IYD: variants seen among roughly 807,000 people sequenced by gnomAD.
IYD encodes iodotyrosine deiodinase, also known as iodotyrosine deiodinase 1.
IYD carries 25 observed loss-of-function variants against 28.4 expected under a neutral mutation model. That is an observed-to-expected ratio of 0.88 (90% CI 0.64 to 1.23). The LOEUF (loss-of-function observed/expected upper bound fraction) is 1.23, where lower values mean the gene tolerates loss of function less well. Ranked by LOEUF, IYD falls within the 50% of genes most tolerant of loss-of-function variation. The pLI is 0.00. For missense variants in IYD, 352 were observed against 357.9 expected (o/e 0.98, Z 0.13); for synonymous variants, 140 against 130.8 (o/e 1.07, Z -0.48).
rs1778528802 is a variant in IYD at position 150,402,109 on chromosome 6, T to C, written c.*3872T>C. 1 of 152,238 alleles carries C rather than the reference T, an allele frequency of 6.6e-6. No homozygotes were observed. The highest frequency in any genetic ancestry group is 1.5e-5 in the Non-Finnish European group (1 of 68,028). The allele number at this position is 152,238 out of a possible 1,614,324, so 9.4% of individuals were successfully genotyped here. A position where few individuals can be genotyped will look rare whatever the true frequency, so the allele number is the denominator to read the frequency against. On this transcript the variant is annotated 3_prime_UTR_variant, in exon 5 of 5. Transcript: ENST00000344419. Reference sequence around the variant, plus strand: ...CCATGGGGCATTGGCAATCAACAAATGCAATGCTTGTGACTTGACGTGATA... The same window carrying C: ...CCATGGGGCATTGGCAATCAACAAACGCAATGCTTGTGACTTGACGTGATA...
chr6:150,375,264 T>G (rs1777404469), intron 1 of IYD, among the ~76,000 whole-genome samples: 1 of 152,074 alleles, frequency 6.6e-6, no homozygotes, highest in Non-Finnish European at 1.5e-5. Flanking sequence ...GGAGCTAGGA[T>G]TTTTTAGAGT....
At chr6:150,394,557 G>A (rs1013995555) in intron 4 of IYD, among the ~76,000 whole-genome samples, 2 of 152,192 alleles carry the variant, frequency 1.3e-5, no homozygotes, top group South Asian at 4.1e-4. Flanking sequence ...GAGCCTAAAA[G>A]TCACAGAGGC....
intron 4 of IYD, 87 bp from the exon 5 acceptor site, chr6:150,397,968 A>G (rs1778384218): frequency 1.6e-6 from 2 of 1,282,250 alleles, no homozygotes; most frequent in Non-Finnish European, 2.3e-6. Flanking sequence ...GAGCAGGTAT[A>G]ATCAGGACAA....
chr6:150,390,090 G>C (rs655745), intron 2 of IYD, among the ~76,000 whole-genome samples: 60,300 of 151,980 alleles, frequency 0.4, 13,556 homozygotes, highest in Non-Finnish European at 0.52. Flanking sequence ...AAAAAAATCA[G>C]AGCTACAGAA....
intron 4 of IYD, among the ~76,000 whole-genome samples, chr6:150,397,722 G>A (rs970285435): frequency 3.9e-5 from 6 of 152,058 alleles, no homozygotes; most frequent in Non-Finnish European, 8.8e-5. Context: ...ACTCCCTGTT[G>A]TTTTTGCCTT....
chr6:150,378,316 C>T (rs535163009), intron 1 of IYD, among the ~76,000 whole-genome samples: 3 of 149,776 alleles, frequency 2.0e-5, no homozygotes, highest in African/African-American at 2.5e-5. Flanking sequence ...TCTCCTAATG[C>T]GATCCCTCCC....
chr6:150,390,879 G>C (rs1394309249), intron 2 of IYD, among the ~76,000 whole-genome samples: 1 of 152,146 alleles, frequency 6.6e-6, no homozygotes, highest in Non-Finnish European at 1.5e-5. Context: ...TGGACTGAGA[G>C]TTCCCGAAGT....
At chr6:150,395,010 A>G (rs1293519108) in intron 4 of IYD, among the ~76,000 whole-genome samples, 1 of 152,250 alleles carries the variant, frequency 6.6e-6, no homozygotes, top group African/African-American at 2.4e-5. Flanking sequence ...TTTTGTATAG[A>G]TGGAGTTTTG....
At chr6:150,396,531 A>G in intron 4 of IYD, 1 of 678,952 alleles carries the variant, frequency 1.5e-6, no homozygotes, top group East Asian at 2.7e-5. Context: ...CTTGAAAAGG[A>G]CCAAGATATA....
At position 150,398,972 on chromosome 6, in the gene IYD, T is replaced by G. The variant is rs558132966; in HGVS notation, c.*735T>G. 1.3e-5 allele frequency: 2 copies of G among 152,228 alleles called. No individual in the cohort carries two copies. The highest frequency in any genetic ancestry group is 2.9e-5 in the Non-Finnish European group (2 of 68,046). The allele number at this position is 152,228 out of a possible 1,614,324, so 9.4% of individuals were successfully genotyped here. A position where few individuals can be genotyped will look rare whatever the true frequency, so the allele number is the denominator to read the frequency against. On this transcript the variant is annotated 3_prime_UTR_variant, in exon 5 of 5. Coordinates refer to ENST00000344419, the MANE Select transcript of IYD (RefSeq NM_203395.3). ...ACTGCTTGAATCCGGGAGGTAGAGA[T>G]TGCAGTGAGTCAAGATGCTGAGATG... is the stretch of plus-strand genomic sequence containing the variant.
intron 1 of IYD, among the ~76,000 whole-genome samples, chr6:150,371,181 T>C (rs1363210470): frequency 6.6e-6 from 1 of 152,208 alleles, no homozygotes. Context: ...AGCCCTTATA[T>C]ATTAATAGCT....
intron 1 of IYD, among the ~76,000 whole-genome samples, chr6:150,379,417 C>T (rs1238343233): frequency 6.6e-6 from 1 of 152,168 alleles, no homozygotes; most frequent in Non-Finnish European, 1.5e-5. Context: ...CAGCCTCTTT[C>T]TTATTCCTCA....
At chr6:150,388,192 T>C (rs1005493591) in intron 1 of IYD, among the ~76,000 whole-genome samples, 2 of 152,196 alleles carry the variant, frequency 1.3e-5, no homozygotes, top group South Asian at 2.1e-4. Flanking sequence ...CAAACTGATA[T>C]AAACCGTTGA....
chr6:150,383,308 C>A (rs1777719873), intron 1 of IYD, among the ~76,000 whole-genome samples: 1 of 152,054 alleles, frequency 6.6e-6, no homozygotes. Context: ...CATGGGTAGA[C>A]CTGGGATTTT....
chr6:150,374,985 C>T (rs750539677), intron 1 of IYD, among the ~76,000 whole-genome samples: 7 of 152,112 alleles, frequency 4.6e-5, no homozygotes, highest in Non-Finnish European at 7.3e-5. Context: ...ATGTTCTGAA[C>T]CCCACTGGCT....
chr6:150,384,162 C>T (rs957381925), intron 1 of IYD: 1 of 152,128 alleles, frequency 6.6e-6, no homozygotes, highest in Non-Finnish European at 1.5e-5. Flanking sequence ...TCAGCAATAT[C>T]ACAGCAGACT....
In IYD at chr6:150,395,744, T is replaced by C. The variant is rs1778288804; in HGVS notation, c.687+1489T>C. 4.3e-6 allele frequency: 3 copies of C among 692,838 alleles called. No homozygotes were observed. In the African/African-American group the frequency reaches 5.3e-5, roughly 12 times the overall value. 42.9% of individuals were successfully genotyped at this position (692,838 alleles called of 1,614,324 possible). On this transcript the variant is annotated intron_variant, in intron 4 of 4. Transcript: ENST00000344419. ...TGATAAGCGCGCCATGCATGTCTTG[T>C]AGAGGCAGCTTCCAGAACTTCCTGG...
At chr6:150,391,233 C>CAA (rs3842126) in intron 2 of IYD, among the ~76,000 whole-genome samples, 2,387 of 114,004 alleles carry the variant, frequency 0.021, 71 homozygotes, top group African/African-American at 0.067. Context: ...GAGACGCCAT[C>CAA]AAAAAAAAAA....
intron 1 of IYD, among the ~76,000 whole-genome samples, chr6:150,374,256 T>C (rs660467): frequency 0.89 from 135,502 of 152,290 alleles, 60,632 homozygotes; most frequent in East Asian, 0.98. Context: ...GAAATGAAGA[T>C]CCAAAGGAAC....
Sources: gnomAD v4.1 joint callset for allele counts (sites outside exome capture counted in the v4.1 genomes callset) on GRCh38, gnomAD v4.1.1 for gene constraint, MANE v1.5 for transcripts, NCBI Gene and HGNC (gene_info 2026-07-23, HGNC 2026-07-21) for gene names.